The following CPA6 variants were observed in gnomAD, a reference collection of about 807,000 sequenced individuals.
CPA6 encodes carboxypeptidase A6, also known as carboxypeptidase B.
A neutral mutation model predicts 63.3 loss-of-function variants in CPA6; 58 were observed. The ratio of observed to expected loss-of-function variants is 0.92; its 90% confidence interval spans 0.74 to 1.14. CPA6 has a LOEUF of 1.14. CPA6 is among the 50% of genes most tolerant of loss of function. CPA6 has a pLI of 0.00. For missense variants in CPA6, 565 were observed against 526.6 expected (o/e 1.07, Z -0.71); for synonymous variants, 185 against 179.0 (o/e 1.03, Z -0.27).
chr8:67,468,679 T>C (rs1045220954), intron 8 of CPA6, among the ~76,000 whole-genome samples: 8 of 152,062 alleles, frequency 5.3e-5, no homozygotes, highest in Admixed American at 5.2e-4. Flanking sequence ...CAATAACCTT[T>C]TATGACTTTC....
chr8:67,513,780 A>T (rs1333334962), intron 3 of CPA6, among the ~76,000 whole-genome samples: 8 of 152,138 alleles, frequency 5.3e-5, no homozygotes, highest in Non-Finnish European at 1.0e-4. Context: ...GAGTCTCAGA[A>T]CGGTCTTTGT....
At chr8:67,495,729 C>T (rs182179565) in intron 6 of CPA6, among the ~76,000 whole-genome samples, 1 of 152,114 alleles carries the variant, frequency 6.6e-6, no homozygotes, top group African/African-American at 2.4e-5. Context: ...ACTCTGTCAC[C>T]CAGGCTGGAG....
chr8:67,482,919 C>T (rs746241755), intron 8 of CPA6, among the ~76,000 whole-genome samples: 26 of 152,322 alleles, frequency 1.7e-4, no homozygotes, highest in African/African-American at 3.6e-4. Context: ...TCAAAGCCCA[C>T]GCCCAGTTAT....
Position 67,746,165 on chromosome 8 carries a change from C to T in CPA6, c.-36G>A, listed in dbSNP as rs759742005. 2 of 1,544,624 alleles carry T rather than the reference C, an allele frequency of 1.3e-6. No individual in the cohort carries two copies. The highest frequency in any genetic ancestry group is 1.8e-6 in the Non-Finnish European group (2 of 1,125,968). ...AGAGAGGAGTTGAAAGTTACTTAAG[C>T]AGCCACCCGAGGCTGGAGGTGGCTC... On this transcript the variant is annotated 5_prime_UTR_variant, in exon 1 of 11. Coordinates refer to ENST00000297770, the MANE Select transcript of CPA6 (RefSeq NM_020361.5).
intron 2 of CPA6, among the ~76,000 whole-genome samples, chr8:67,536,048 T>TG (rs1357056225): frequency 1.3e-5 from 2 of 152,222 alleles, no homozygotes; most frequent in Non-Finnish European, 2.9e-5. Flanking sequence ...GCCTCTGTAC[T>TG]GTTCCATTGG....
intron 2 of CPA6, among the ~76,000 whole-genome samples, chr8:67,606,800 C>T (rs1386401830): frequency 6.6e-6 from 1 of 152,200 alleles, no homozygotes; most frequent in African/African-American, 2.4e-5. Flanking sequence ...CATTATTCTT[C>T]CTGGCCACAT....
chr8:67,663,142 C>T (rs750500229), intron 1 of CPA6, among the ~76,000 whole-genome samples: 1 of 152,100 alleles, frequency 6.6e-6, no homozygotes, highest in Non-Finnish European at 1.5e-5. Context: ...TAAATGTATG[C>T]ACTGCATTAA....
intron 1 of CPA6, among the ~76,000 whole-genome samples, chr8:67,701,227 T>C (rs886168544): frequency 6.6e-6 from 1 of 152,190 alleles, no homozygotes; most frequent in Admixed American, 6.5e-5. Flanking sequence ...CCTTGCTGCC[T>C]GGAACTTTGC....
chr8:67,620,452 CA>C (rs1815053652), intron 2 of CPA6, among the ~76,000 whole-genome samples: 1 of 152,230 alleles, frequency 6.6e-6, no homozygotes, highest in East Asian at 1.9e-4. Context: ...CTGTCTATCA[CA>C]GTGTGATTTA....
At chr8:67,521,057 C>CA (rs1156586048) in intron 2 of CPA6, among the ~76,000 whole-genome samples, 2 of 152,218 alleles carry the variant, frequency 1.3e-5, no homozygotes, top group Non-Finnish European at 2.9e-5. Flanking sequence ...TTCTGAACTG[C>CA]AAAGCTCTGT....
At chr8:67,505,396 C>T (rs564765437) in intron 6 of CPA6, among the ~76,000 whole-genome samples, 23 of 152,190 alleles carry the variant, frequency 1.5e-4, no homozygotes, top group East Asian at 5.8e-4. Context: ...GAAAAGATTG[C>T]GTATGTTGGG....
At chr8:67,461,064 T>TA (rs1262231218) in intron 8 of CPA6, among the ~76,000 whole-genome samples, 1 of 149,022 alleles carries the variant, frequency 6.7e-6, no homozygotes, top group Non-Finnish European at 1.5e-5. Flanking sequence ...TTTTTTTTTT[T>TA]AATTTTAATT....
At chr8:67,496,536 T>C (rs932799602) in intron 6 of CPA6, among the ~76,000 whole-genome samples, 19 of 138,802 alleles carry the variant, frequency 1.4e-4, no homozygotes, top group Non-Finnish European at 7.7e-5. Context: ...TATATATATA[T>C]ATATATATAT....
intron 1 of CPA6, among the ~76,000 whole-genome samples, chr8:67,633,612 C>T (rs1056039791): frequency 4.1e-5 from 6 of 145,916 alleles, no homozygotes; most frequent in South Asian, 2.1e-4. Flanking sequence ...ACCAGGGAGG[C>T]GGAGCTTGCA....
At chr8:67,681,849 G>GT (rs200975265) in intron 1 of CPA6, among the ~76,000 whole-genome samples, 2,683 of 149,702 alleles carry the variant, frequency 0.018, 75 homozygotes, top group African/African-American at 0.063. Flanking sequence ...CTTCAACTTT[G>GT]TTTTTTTTCA....
At chr8:67,706,659 T>C (rs570603681) in intron 1 of CPA6, among the ~76,000 whole-genome samples, 1 of 152,332 alleles carries the variant, frequency 6.6e-6, no homozygotes, top group Admixed American at 6.5e-5. Flanking sequence ...TAAGTATACC[T>C]AGTATTTACA....
At chr8:67,483,640 C>CCTTTCT (rs1198739162) in intron 8 of CPA6, 128 bp downstream of exon 8, 1 of 802,130 alleles carries the variant, frequency 1.2e-6, no homozygotes, top group East Asian at 2.4e-5. Flanking sequence ...CGTATCTGTA[C>CCTTTCT]CTTTCTCTAC....
chr8:67,518,633 A>G (rs888926894), intron 2 of CPA6, among the ~76,000 whole-genome samples: 5 of 150,818 alleles, frequency 3.3e-5, no homozygotes, highest in Admixed American at 2.0e-4. Flanking sequence ...CAGCTTCCTG[A>G]GTAGCTGGGA....
At position 67,746,333 on chromosome 8, in the gene CPA6, A is replaced by T; in HGVS notation, c.-204T>A. 1 of 452,216 alleles carries T rather than the reference A, an allele frequency of 2.2e-6. No homozygotes were observed. Among genetic ancestry groups the T allele is most frequent in the Non-Finnish European group, 4.0e-6 (1 of 248,836 alleles). 28.0% of individuals were successfully genotyped at this position (452,216 alleles called of 1,614,324 possible). ...CTGAGGAAGGGAAGTTGCTATTACG[A>T]CTTGGTCTTGGGACAAGCAGCAGCA... On this transcript the variant is annotated 5_prime_UTR_variant, in exon 1 of 11. Transcript: ENST00000297770.
Sources: gnomAD v4.1 joint callset for allele counts (sites outside exome capture counted in the v4.1 genomes callset) on GRCh38, gnomAD v4.1.1 for gene constraint, MANE v1.5 for transcripts, NCBI Gene and HGNC (gene_info 2026-07-23, HGNC 2026-07-21) for gene names.